The following MRE11 variants were observed in gnomAD, a reference collection of about 807,000 sequenced individuals.
MRE11 encodes double-strand break repair protein MRE11.
MRE11 carries 62 observed loss-of-function variants against 91.7 expected under a neutral mutation model. The ratio of observed to expected loss-of-function variants is 0.68; its 90% confidence interval spans 0.55 to 0.84. The LOEUF is 0.84. Ranked by LOEUF, MRE11 falls within the 40% of genes least tolerant of loss-of-function variation. The probability of loss-of-function intolerance (pLI) is 0.00; values close to 1 mark genes in which losing one functional copy is unlikely to be tolerated. For synonymous variants in MRE11, 273 were observed against 271.4 expected, an observed-to-expected ratio of 1.01 and a Z score of -0.06; for missense variants, 796 against 852.9, an observed-to-expected ratio of 0.93 and a Z score of 0.83.
chr11:94,462,372 C>A lies in MRE11; in HGVS notation c.1226-1336G>T, dbSNP rs551473440. ...TACTGCCCAAGGTAATTTATAGATT[C>A]AATGCCATCCCCATCAAGCTACCAA... On this transcript the variant is annotated intron_variant, in intron 11 of 19. Transcript: ENST00000323929. Among the ~76,000 whole-genome samples, 117 of 152,244 alleles carry A rather than the reference C, an allele frequency of 7.7e-4. 1 individual carries two copies. The highest frequency in any genetic ancestry group is 2.6e-3 in the African/African-American group (108 of 41,552).
chr11:94,454,255 G>GTA (rs1946191803), intron 14 of MRE11, among the ~76,000 whole-genome samples: 1 of 151,422 alleles, frequency 6.6e-6, no homozygotes, highest in Non-Finnish European at 1.5e-5. Flanking sequence ...TGTATTTTTT[G>GTA]TAGAGATGGG....
At chr11:94,443,350 A>G (rs746568347) in intron 16 of MRE11, among the ~76,000 whole-genome samples, 2 of 152,184 alleles carry the variant, frequency 1.3e-5, no homozygotes, top group Non-Finnish European at 2.9e-5. Context: ...TATGAGATCT[A>G]GGATAAGCTA....
intron 17 of MRE11, among the ~76,000 whole-genome samples, chr11:94,436,225 G>A (rs1314096015): frequency 2.6e-5 from 4 of 152,146 alleles, no homozygotes; most frequent in African/African-American, 4.8e-5. Flanking sequence ...TATGAGAGGT[G>A]AGACCATCAG....
intron 4 of MRE11, among the ~76,000 whole-genome samples, chr11:94,481,707 T>C (rs1195606731): frequency 6.6e-6 from 1 of 152,218 alleles, no homozygotes; most frequent in Admixed American, 6.5e-5. Context: ...TTCCTACATG[T>C]ATTTGAGGCT....
rs116375877 is a variant in MRE11, at chr11:94,429,611, C to T, written c.2070+300G>A. On this transcript the variant is annotated intron_variant, in intron 19 of 19. Transcript: ENST00000323929. ...TCCTCACTTACAAGTGGGAGCTAAACACTGAGTTCACATGGACATGAAGAT... is the reference window on the plus strand; with the variant it reads ...TCCTCACTTACAAGTGGGAGCTAAATACTGAGTTCACATGGACATGAAGAT... Among the ~76,000 whole-genome samples, 891 of 152,286 alleles carry T rather than the reference C, an allele frequency of 5.9e-3. 5 individuals are homozygous for T. Among genetic ancestry groups the T allele is most frequent in the African/African-American group, 0.019 (810 of 41,564 alleles).
intron 11 of MRE11, among the ~76,000 whole-genome samples, chr11:94,461,435 G>A (rs1946410482): frequency 6.6e-6 from 1 of 152,190 alleles, no homozygotes; most frequent in Non-Finnish European, 1.5e-5. Context: ...GGTGCCTTGT[G>A]ACGTCAAGGT....
Position 94,418,065 on chromosome 11 carries a change from C to T in MRE11, c.*2060G>A, listed in dbSNP as rs1047401005. 4.3e-6 allele frequency: 1 copy of T among 232,954 alleles called. No individual in the cohort carries two copies. The highest frequency in any genetic ancestry group is 8.5e-6 in the Non-Finnish European group (1 of 117,968). 14.4% of individuals were successfully genotyped at this position (232,954 alleles called of 1,614,324 possible). A position where few individuals can be genotyped will look rare whatever the true frequency, so the allele number is the denominator to read the frequency against. On this transcript the variant is annotated 3_prime_UTR_variant, in exon 20 of 20. Coordinates refer to ENST00000323929, the MANE Select transcript of MRE11 (RefSeq NM_005591.4). Reference sequence around the variant, plus strand: ...AGCTGCTTTCAAATCATCTGAAAGACTTCTACATTCCTATACCAACAGGTC... The same window carrying T: ...AGCTGCTTTCAAATCATCTGAAAGATTTCTACATTCCTATACCAACAGGTC...
At chr11:94,461,979 G>A (rs1391276658) in intron 11 of MRE11, among the ~76,000 whole-genome samples, 1 of 152,194 alleles carries the variant, frequency 6.6e-6, no homozygotes, top group Non-Finnish European at 1.5e-5. Context: ...GGAGGCTGAG[G>A]CAGGAGAATG....
chr11:94,417,206 G>A lies in MRE11; in HGVS notation c.*2919C>T, dbSNP rs1423278480. On this transcript the variant is annotated 3_prime_UTR_variant, in exon 20 of 20. Coordinates refer to ENST00000323929, the MANE Select transcript of MRE11 (RefSeq NM_005591.4). ...TTGGCCAGGCTGGTCTCAAACTCCT[G>A]ACCTCAGGTGAACCCCCTCCTCGGC... is the stretch of plus-strand genomic sequence containing the variant. 2 of 176,312 alleles carry A rather than the reference G, an allele frequency of 1.1e-5. No individual in the cohort carries two copies. Among genetic ancestry groups the A allele is most frequent in the Non-Finnish European group, 2.4e-5 (2 of 82,060 alleles). 10.9% of individuals were successfully genotyped at this position (176,312 alleles called of 1,614,324 possible). A position where few individuals can be genotyped will look rare whatever the true frequency, so the allele number is the denominator to read the frequency against.
In MRE11 at chr11:94,485,938, G is replaced by A. The variant is rs773409939; in HGVS notation, c.300C>T (p.Asn100=). ...QFEILSDQSV[N]FGFSKFPWVN... Reference sequence around the variant, plus strand: ...AATATACTTACTTACTAAAACCAAAGTTGACTGACTGATCACTGAGAATTT... The same window carrying A: ...AATATACTTACTTACTAAAACCAAAATTGACTGACTGATCACTGAGAATTT... The change falls in exon 4 of 20, where the codon AAC becomes AAT. Residue 100 remains asparagine, a synonymous_variant. Transcript: ENST00000323929. 6.2e-7 allele frequency: 1 copy of A among 1,612,828 alleles called. No homozygotes were observed. The highest frequency in any genetic ancestry group is 1.7e-5 in the Admixed American group (1 of 59,994).
intron 18 of MRE11, among the ~76,000 whole-genome samples, chr11:94,433,077 C>T (rs1184914562): frequency 6.6e-6 from 1 of 152,212 alleles, no homozygotes; most frequent in Non-Finnish European, 1.5e-5. Flanking sequence ...CTCCCTTACT[C>T]CAAATGTTTA....
Position 94,448,282 on chromosome 11 carries a change from A to G in MRE11, c.1564-844T>C, listed in dbSNP as rs567960345. The stretch of plus-strand genomic sequence containing the variant: ...TAACAATCTCTCACAAATATATGGT[A>G]AAGAGAATTAAGGGCTGGGCGCAGT... On this transcript the variant is annotated intron_variant, in intron 14 of 19. Transcript: ENST00000323929. Among the ~76,000 whole-genome samples, 5 of 152,248 alleles carry G rather than the reference A, an allele frequency of 3.3e-5. No individual in the cohort carries two copies. In the South Asian group the frequency reaches 1.0e-3, roughly 32 times the overall value.
intron 11 of MRE11, among the ~76,000 whole-genome samples, chr11:94,462,731 A>G (rs1408633907): frequency 1.3e-5 from 2 of 152,230 alleles, no homozygotes; most frequent in East Asian, 3.8e-4. Flanking sequence ...AGCCATATGT[A>G]GAAAGCTGAA....
intron 14 of MRE11, among the ~76,000 whole-genome samples, chr11:94,452,089 C>T (rs763802261): frequency 2.7e-5 from 4 of 150,668 alleles, no homozygotes; most frequent in African/African-American, 4.9e-5. Context: ...GCTAGCTACT[C>T]GGGAGGCTGA....
chr11:94,505,853 C>T, the MRE11 span, among the ~76,000 whole-genome samples: 3 of 152,164 alleles, frequency 2.0e-5, no homozygotes, highest in African/African-American at 7.2e-5. Context: ...TTTTACCGTA[C>T]CGTCTCTATG....
chr11:94,445,966 T>C (rs949839231), intron 15 of MRE11, 73 bp from the exon 16 acceptor site: 13 of 1,062,336 alleles, frequency 1.2e-5, no homozygotes, highest in Middle Eastern at 2.0e-4. Context: ...CACTAAAAAA[T>C]GAAAGCTAAA....
At chr11:94,489,755 G>A (rs898223370) in intron 3 of MRE11, among the ~76,000 whole-genome samples, 2 of 152,088 alleles carry the variant, frequency 1.3e-5, no homozygotes, top group Non-Finnish European at 2.9e-5. Context: ...CTCTCTCCTG[G>A]GCTGGCGTGT....
intron 16 of MRE11, among the ~76,000 whole-genome samples, chr11:94,438,295 A>C (rs1945679532): frequency 6.6e-6 from 1 of 152,202 alleles, no homozygotes; most frequent in Non-Finnish European, 1.5e-5. Context: ...TACTCAAAAA[A>C]TCCTGCAAAG....
chr11:94,507,476 T>C, the MRE11 span, among the ~76,000 whole-genome samples: 1 of 152,200 alleles, frequency 6.6e-6, no homozygotes, highest in Non-Finnish European at 1.5e-5. Flanking sequence ...TACATTTCAG[T>C]GCATATCTAG....
Sources: allele counts gnomAD v4.1 joint callset (sites outside exome capture counted in the v4.1 genomes callset), GRCh38; gene constraint gnomAD v4.1.1; transcripts MANE v1.5; gene names NCBI Gene and HGNC (gene_info 2026-07-23, HGNC 2026-07-21).